The following FDX1 variants were observed in gnomAD, a reference collection of about 807,000 sequenced individuals.
FDX1 encodes ferredoxin 1.
In FDX1, 9 loss-of-function variants were observed where a neutral mutation model predicts 14.9. That is an observed-to-expected ratio of 0.60 (90% CI 0.36 to 1.05). The LOEUF is 1.05. Ranked by LOEUF, FDX1 falls within the 50% of genes least tolerant of loss-of-function variation. The pLI is 0.01. For synonymous variants in FDX1, 92 were observed against 99.4 expected (o/e 0.93, Z 0.44); for missense variants, 204 against 237.2 (o/e 0.86, Z 0.92).
intron 2 of FDX1, among the ~76,000 whole-genome samples, chr11:110,450,004 T>G (rs1372535704): frequency 6.6e-6 from 1 of 152,172 alleles, no homozygotes; most frequent in Non-Finnish European, 1.5e-5. Context: ...TCATTTCATT[T>G]CCTTACCCCC....
At chr11:110,455,757 G>T (rs533901424) in intron 2 of FDX1, among the ~76,000 whole-genome samples, 8 of 152,208 alleles carry the variant, frequency 5.3e-5, no homozygotes, top group Non-Finnish European at 1.2e-4. Context: ...GGAGAAGGAA[G>T]AATGATCTCA....
chr11:110,430,312 C>T lies in FDX1; in HGVS notation c.185+7C>T. The T allele has an allele frequency of 4.2e-6, 5 of 1,192,764 alleles. No individual in the cohort carries two copies. The highest frequency in any genetic ancestry group is 6.7e-4 in the Middle Eastern group (2 of 2,982). 73.9% of individuals were successfully genotyped at this position (1,192,764 alleles called of 1,614,324 possible). A position where few individuals can be genotyped will look rare whatever the true frequency, so the allele number is the denominator to read the frequency against. On this transcript the variant is annotated splice_region_variant and intron_variant, in intron 1 of 3. Coordinates refer to ENST00000260270, the MANE Select transcript of FDX1 (RefSeq NM_004109.5). ...CGGCGCGGGCCCGGAGCAGGTAGGG[C>T]GCCGTGCGGGCGCGATCGCCGGCGC...
rs780919632 is a variant in FDX1, at chr11:110,435,919, G to C, written c.271G>C (p.Asp91His). Residue 91 changes from aspartate to histidine, a missense_variant, in exon 2 of 4, where the codon GAT becomes CAT. By Grantham distance (81) the Asp-to-His change is moderately conservative. Coordinates refer to ENST00000260270, the MANE Select transcript of FDX1 (RefSeq NM_004109.5). ...AGGAAAAGTTGGTGATTCTCTGCTA[G>C]ATGTTGTGGTTGAAAATAATCTAGA... ...TKGKVGDSLL[D>H]VVVENNLDID... The C allele has an allele frequency of 1.9e-6, 3 of 1,612,674 alleles. No individual in the cohort carries two copies. Among genetic ancestry groups the C allele is most frequent in the Non-Finnish European group, 2.5e-6 (3 of 1,179,276 alleles).
chr11:110,436,095 T>A (rs1302858834), intron 2 of FDX1, 137 bp downstream of exon 2: 1 of 713,486 alleles, frequency 1.4e-6, no homozygotes, highest in Non-Finnish European at 2.3e-6. Flanking sequence ...GTGTTAGTGT[T>A]ATATTCTTGT....
rs1251428605 is a variant in FDX1 at position 110,462,946 on chromosome 11, CTATTTTATTTATAGTAGTAG to C, written c.*480_*499del. 1 of 152,430 alleles carries C rather than the reference CTATTTTATTTATAGTAGTAG, an allele frequency of 6.6e-6. No homozygotes were observed. Among genetic ancestry groups the C allele is most frequent in the African/African-American group, 2.4e-5 (1 of 41,434 alleles). The allele number at this position is 152,430 out of a possible 1,614,324, so 9.4% of individuals were successfully genotyped here. On this transcript the variant is annotated 3_prime_UTR_variant, in exon 4 of 4. Transcript: ENST00000260270. The stretch of plus-strand genomic sequence containing the variant: ...CAGACTGAAACTGGAGAAATTATGA[CTATTTTATTTATAGTAGTAG>C]TTAAATCTGAATGTGTATGGACAAA...
chr11:110,457,067 T>C lies in FDX1; in HGVS notation c.440+20T>C, dbSNP rs376445479. The C allele has an allele frequency of 6.3e-6, 10 of 1,598,356 alleles. No homozygotes were observed. In the African/African-American group the frequency reaches 1.3e-4, roughly 21 times the overall value. On this transcript the variant is annotated intron_variant, in intron 3 of 3. Transcript: ENST00000260270. ...AGACAGGTAAGATTTTTGGACTGCT[T>C]CAATTGTAATAATAATCTGGGAACA...
intron 2 of FDX1, among the ~76,000 whole-genome samples, chr11:110,454,034 T>A (rs1946504650): frequency 6.6e-6 from 1 of 152,212 alleles, no homozygotes; most frequent in African/African-American, 2.4e-5. Context: ...TAGTGAGGGA[T>A]CATGAATGTG....
intron 2 of FDX1, among the ~76,000 whole-genome samples, chr11:110,436,624 G>T (rs1299834090): frequency 8.7e-6 from 1 of 115,434 alleles, no homozygotes; most frequent in African/African-American, 3.4e-5. Context: ...CACAAAGTCT[G>T]GGGTAGGTCC....
chr11:110,450,130 G>A (rs573665244), intron 2 of FDX1, among the ~76,000 whole-genome samples: 11 of 152,172 alleles, frequency 7.2e-5, no homozygotes, highest in Non-Finnish European at 1.0e-4. Context: ...GTTGGGGTGG[G>A]GATGGATTTG....
At chr11:110,440,699 T>C (rs1035258901) in intron 2 of FDX1, among the ~76,000 whole-genome samples, 2 of 152,198 alleles carry the variant, frequency 1.3e-5, no homozygotes, top group African/African-American at 4.8e-5. Flanking sequence ...TCAATAACAT[T>C]GGAATGGATG....
intron 2 of FDX1, 58 bp downstream of exon 2, chr11:110,436,016 A>T: frequency 6.7e-7 from 1 of 1,491,302 alleles, no homozygotes; most frequent in Non-Finnish European, 9.1e-7. Flanking sequence ...TCAAATTTTT[A>T]TTTTGTGGTT....
intron 3 of FDX1, among the ~76,000 whole-genome samples, chr11:110,459,915 A>G (rs1181418766): frequency 6.6e-6 from 1 of 152,210 alleles, no homozygotes; most frequent in Non-Finnish European, 1.5e-5. Flanking sequence ...CTGTGTTCCC[A>G]TAACAGATTT....
chr11:110,439,731 A>T (rs1048343343), intron 2 of FDX1, among the ~76,000 whole-genome samples: 2 of 152,192 alleles, frequency 1.3e-5, no homozygotes, highest in Non-Finnish European at 2.9e-5. Flanking sequence ...TTGAGGACTT[A>T]GTCATAAAAA....
chr11:110,455,643 A>G (rs566556980), intron 2 of FDX1, among the ~76,000 whole-genome samples: 1 of 152,334 alleles, frequency 6.6e-6, no homozygotes, highest in East Asian at 1.9e-4. Context: ...TCTGGATGCC[A>G]TATTTTAAGA....
chr11:110,444,743 T>TAC (rs201769966), intron 2 of FDX1, among the ~76,000 whole-genome samples: 4 of 44,746 alleles, frequency 8.9e-5, no homozygotes, highest in East Asian at 1.2e-3. Flanking sequence ...TATATATATA[T>TAC]ACACGTATAT....
At chr11:110,453,305 T>A (rs1364181275) in intron 2 of FDX1, among the ~76,000 whole-genome samples, 2 of 151,996 alleles carry the variant, frequency 1.3e-5, no homozygotes, top group African/African-American at 4.8e-5. Context: ...ACCATTACAC[T>A]CCAGTCCAGG....
chr11:110,430,376 G>A (rs1946322432), intron 1 of FDX1, 71 bp downstream of exon 1: 1 of 1,057,950 alleles, frequency 9.5e-7, no homozygotes, highest in African/African-American at 1.7e-5. Flanking sequence ...GGCTCTCTGG[G>A]CCGAGTCTCT....
chr11:110,433,711 C>T lies in FDX1; in HGVS notation c.186-2123C>T, dbSNP rs529928542. Among the ~76,000 whole-genome samples, 3 of 149,880 alleles carry T rather than the reference C, an allele frequency of 2.0e-5. No homozygotes were observed. The East Asian group carries it at 5.9e-4, about 30-fold the overall frequency. On this transcript the variant is annotated intron_variant, in intron 1 of 3. Transcript: ENST00000260270. ...GGCTGTGAAAAGAAGTTGGAGAGCG[C>T]AGGCCCTTTTGAGGAACATTCTGGT...
chr11:110,435,707 T>G, intron 1 of FDX1, 127 bp from the exon 2 acceptor site: 1 of 594,938 alleles, frequency 1.7e-6, no homozygotes, highest in Non-Finnish European at 2.7e-6. Flanking sequence ...TAAAAAAAAT[T>G]AGCCAGGCGT....
Sources: gnomAD v4.1 joint callset for allele counts (sites outside exome capture counted in the v4.1 genomes callset) on GRCh38, gnomAD v4.1.1 for gene constraint, MANE v1.5 for transcripts, NCBI Gene and HGNC (gene_info 2026-07-23, HGNC 2026-07-21) for gene names.